Variants in PRXL2C observed in about 807,000 individuals in gnomAD.
PRXL2C encodes peroxiredoxin like 2C, also known as peroxiredoxin-like 2C.
A neutral mutation model predicts 24.9 loss-of-function variants in PRXL2C; 38 were observed. The observed-to-expected ratio is 1.53, with a 90% CI of 1.18 to 2.00. The LOEUF is 2.00. Ranked by LOEUF, PRXL2C falls within the 30% of genes most tolerant of loss-of-function variation. PRXL2C has a pLI of 0.00. For missense variants in PRXL2C, 294 were observed against 290.9 expected (o/e 1.01, Z -0.08); for synonymous variants, 98 against 117.2 (o/e 0.84, Z 1.06).
At chr9:96,653,594 C>CA (rs1848305592) in intron 2 of PRXL2C, among the ~76,000 whole-genome samples, 1 of 152,138 alleles carries the variant, frequency 6.6e-6, no homozygotes, top group Non-Finnish European at 1.5e-5. Context: ...GCTGTCATCA[C>CA]AAAAAACTAA....
rs1196107532 is a variant in PRXL2C at position 96,639,615 on chromosome 9, T to C, written c.*2144A>G. 1 of 152,194 alleles carries C rather than the reference T, an allele frequency of 6.6e-6. No homozygotes were observed. Among genetic ancestry groups the C allele is most frequent in the Non-Finnish European group, 1.5e-5 (1 of 68,040 alleles). 9.4% of individuals were successfully genotyped at this position (152,194 alleles called of 1,614,324 possible). A position where few individuals can be genotyped will look rare whatever the true frequency, so the allele number is the denominator to read the frequency against. ...TTTCATTTTTATTGAATAAAAACATTATACAAACATGAAGATATATTCAAA... is the reference window on the plus strand; with the variant it reads ...TTTCATTTTTATTGAATAAAAACATCATACAAACATGAAGATATATTCAAA... On this transcript the variant is annotated 3_prime_UTR_variant, in exon 6 of 6. Coordinates refer to ENST00000375234, the MANE Select transcript of PRXL2C (RefSeq NM_153698.2).
chr9:96,650,692 C>T (rs564546356), intron 4 of PRXL2C, among the ~76,000 whole-genome samples: 8 of 152,062 alleles, frequency 5.3e-5, no homozygotes, highest in Non-Finnish European at 1.0e-4. Flanking sequence ...GAACTTAATA[C>T]TACTTTCCGT....
chr9:96,651,783 C>A, intron 2 of PRXL2C, 71 bp from the exon 3 acceptor site: 2 of 1,337,920 alleles, frequency 1.5e-6, no homozygotes, highest in Non-Finnish European at 2.1e-6. Context: ...TCCCTTAACC[C>A]AACTCTTATG....
At chr9:96,649,147 AAAGT>A (rs1848234193) in intron 4 of PRXL2C, among the ~76,000 whole-genome samples, 2 of 152,172 alleles carry the variant, frequency 1.3e-5, no homozygotes, top group Admixed American at 6.5e-5. Flanking sequence ...TGTGTACCAA[AAAGT>A]AAGGTTCACA....
chr9:96,654,719 TG>T lies in PRXL2C; in HGVS notation c.246del (p.Arg83GlyfsTer12), dbSNP rs780356139. 74 of 1,564,870 alleles carry T rather than the reference TG, an allele frequency of 4.7e-5. No homozygotes were observed. The highest frequency in any genetic ancestry group is 3.5e-4 in the East Asian group (15 of 42,844). ...GGGAAACTCACTTGTAAGAAACTCC[TG>T]GGGATTTTGGCCAGATCCTCTACGT... is the stretch of plus-strand genomic sequence containing the variant. ...KEYVEDLAKI[P>X]RSFLQEANVT... On this transcript the variant is annotated frameshift_variant, in exon 2 of 6. Coordinates refer to ENST00000375234, the MANE Select transcript of PRXL2C (RefSeq NM_153698.2). LOFTEE classifies it high-confidence loss of function.
chr9:96,651,962 A>G (rs1848272830), intron 2 of PRXL2C, among the ~76,000 whole-genome samples: 2 of 152,230 alleles, frequency 1.3e-5, no homozygotes, highest in Admixed American at 6.5e-5. Flanking sequence ...CTACTAGAAG[A>G]AAACTACAAA....
rs563502665 is a variant in PRXL2C, at chr9:96,653,405, G to C, written c.261+1300C>G. ...TCATTTACCTATGGAAACGAAAAAA[G>C]TAGAGTGTAATGATGGTTACCAGAG... On this transcript the variant is annotated intron_variant, in intron 2 of 5. Transcript: ENST00000375234. Among the ~76,000 whole-genome samples the C allele has an allele frequency of 4.6e-5, 7 of 152,236 alleles. No individual in the cohort carries two copies. In the South Asian group the frequency reaches 1.5e-3, roughly 32 times the overall value.
rs1186879677 is a variant in PRXL2C, at chr9:96,640,602, C to CGGATCATGA, written c.*1148_*1156dup. ...CAACACATTGGGAGGCCGAGGTGGGCGGATCATGAGGTCAGGAGGTCAAGA... is the reference window on the plus strand; with the variant it reads ...CAACACATTGGGAGGCCGAGGTGGGCGGATCATGAGGATCATGAGGTCAGGAGGTCAAGA... On this transcript the variant is annotated 3_prime_UTR_variant, in exon 6 of 6. Transcript: ENST00000375234. 1 of 134,144 alleles carries CGGATCATGA rather than the reference C, an allele frequency of 7.5e-6. No individual in the cohort carries two copies. 8.3% of individuals were successfully genotyped at this position (134,144 alleles called of 1,614,324 possible).
chr9:96,646,069 T>C, intron 4 of PRXL2C, 45 bp from the exon 5 acceptor site: 1 of 1,536,770 alleles, frequency 6.5e-7, no homozygotes, highest in Non-Finnish European at 8.8e-7. Flanking sequence ...TATATTCAAT[T>C]TGATATTAAG....
chr9:96,652,020 C>T (rs943123878), intron 2 of PRXL2C, among the ~76,000 whole-genome samples: 3 of 152,042 alleles, frequency 2.0e-5, no homozygotes, highest in Non-Finnish European at 2.9e-5. Context: ...AATATGACCT[C>T]AAAAATACAG....
intron 5 of PRXL2C, among the ~76,000 whole-genome samples, chr9:96,642,579 C>T (rs2119170147): frequency 6.7e-6 from 1 of 148,222 alleles, no homozygotes; most frequent in Admixed American, 6.8e-5. Context: ...CGGAGGCTCG[C>T]TTTGTCGCCA....
rs530343244 is a variant in PRXL2C at position 96,644,881 on chromosome 9, C to CTTTTTTTTTTTTTTTTTTT, written c.553+993_553+1011dup. On this transcript the variant is annotated intron_variant, in intron 5 of 5. Coordinates refer to ENST00000375234, the MANE Select transcript of PRXL2C (RefSeq NM_153698.2). ...TTAGGTATAAATAACTACATGGATTCTTTTTTTTTTTTTTTTTTTTTTTTT... is the reference window on the plus strand; with the variant it reads ...TTAGGTATAAATAACTACATGGATTCTTTTTTTTTTTTTTTTTTTTTTTTTTTTTTTTTTTTTTTTTTTT... Among the ~76,000 whole-genome samples, 3 of 36,672 alleles carry CTTTTTTTTTTTTTTTTTTT rather than the reference C, an allele frequency of 8.2e-5. 1 individual carries two copies. Among genetic ancestry groups the CTTTTTTTTTTTTTTTTTTT allele is most frequent in the Non-Finnish European group, 2.0e-4 (3 of 15,318 alleles). 24.1% of individuals were successfully genotyped at this position (36,672 alleles called of 152,430 possible). A position where few individuals can be genotyped will look rare whatever the true frequency, so the allele number is the denominator to read the frequency against.
chr9:96,642,839 G>A (rs367545012), intron 5 of PRXL2C, among the ~76,000 whole-genome samples: 73 of 152,094 alleles, frequency 4.8e-4, no homozygotes, highest in African/African-American at 1.4e-3. Flanking sequence ...CACTGCACCC[G>A]GCCATGAGGC....
At chr9:96,651,320 C>T (rs1218091863) in intron 4 of PRXL2C, 70 bp downstream of exon 4, 15 of 1,110,906 alleles carry the variant, frequency 1.4e-5, no homozygotes, top group Non-Finnish European at 2.0e-5. Context: ...ACCATGTTTC[C>T]CTATGCATAT....
At chr9:96,649,924 A>G (rs1010296587) in intron 4 of PRXL2C, among the ~76,000 whole-genome samples, 2 of 151,894 alleles carry the variant, frequency 1.3e-5, no homozygotes, top group Non-Finnish European at 2.9e-5. Context: ...TGGGTCTTAC[A>G]CTCTGGCCAG....
intron 5 of PRXL2C, among the ~76,000 whole-genome samples, chr9:96,643,962 G>A (rs1384855549): frequency 1.3e-5 from 2 of 151,466 alleles, no homozygotes; most frequent in South Asian, 2.1e-4. Context: ...GTGAAACCTT[G>A]CCTCTACTAA....
intron 4 of PRXL2C, among the ~76,000 whole-genome samples, chr9:96,649,513 G>A (rs1037861583): frequency 7.4e-6 from 1 of 135,718 alleles, no homozygotes; most frequent in South Asian, 2.1e-4. Flanking sequence ...GCAGTGAGCC[G>A]AGATCACACC....
intron 5 of PRXL2C, among the ~76,000 whole-genome samples, chr9:96,643,122 A>C (rs1002358640): frequency 2.0e-5 from 3 of 152,192 alleles, no homozygotes; most frequent in Non-Finnish European, 4.4e-5. Flanking sequence ...TATGTGAGAC[A>C]CTTGAGCATC....
intron 1 of PRXL2C, 88 bp from the exon 2 acceptor site, chr9:96,654,861 G>T (rs1319724891): frequency 2.2e-6 from 3 of 1,365,310 alleles, no homozygotes; most frequent in African/African-American, 1.5e-5. Context: ...TGCGTGACGC[G>T]AGCAAAGGCG....
Sources: gnomAD v4.1 joint callset for allele counts (sites outside exome capture counted in the v4.1 genomes callset) on GRCh38, gnomAD v4.1.1 for gene constraint, MANE v1.5 for transcripts, NCBI Gene and HGNC (gene_info 2026-07-23, HGNC 2026-07-21) for gene names.